The following ABHD6 variants were observed in gnomAD, a reference collection of about 807,000 sequenced individuals.
The protein encoded by ABHD6 is abhydrolase domain containing 6, acylglycerol lipase.
ABHD6 carries 33 observed loss-of-function variants against 38.8 expected under a neutral mutation model. The observed-to-expected ratio is 0.85, with a 90% CI of 0.64 to 1.14. The LOEUF (loss-of-function observed/expected upper bound fraction) is 1.14. Among genes scored for constraint, ABHD6 ranks in the 50% most tolerant of loss-of-function variants. ABHD6 has a pLI of 0.00. For synonymous variants in ABHD6, 147 were observed against 161.6 expected (o/e 0.91, Z 0.69); for missense variants, 380 against 422.6 (o/e 0.90, Z 0.88).
intron 7 of ABHD6, among the ~76,000 whole-genome samples, chr3:58,276,597 G>T (rs1348295042): frequency 6.6e-6 from 1 of 152,136 alleles, no homozygotes; most frequent in South Asian, 2.1e-4. Context: ...TTCTTTTGCT[G>T]TGCAGAAGCT....
Position 58,256,512 on chromosome 3 carries a change from T to C in ABHD6, c.-25-50T>C, listed in dbSNP as rs912457838. On this transcript the variant is annotated intron_variant, in intron 2 of 9. Coordinates refer to ENST00000478253, the MANE Select transcript of ABHD6 (RefSeq NM_001320126.2). The surrounding 1 kb of genome is among the most constrained non-coding windows in gnomAD (Gnocchi z 4.3). ...TTGTCCCCTTTACTTCTTCGCCTTTTTTCCTTTGATACAGAGTTTTAATAT... is the reference window on the plus strand; with the variant it reads ...TTGTCCCCTTTACTTCTTCGCCTTTCTTCCTTTGATACAGAGTTTTAATAT... 2.6e-6 allele frequency: 3 copies of C among 1,145,132 alleles called. No individual in the cohort carries two copies. The African/African-American group carries it at 4.7e-5, about 18-fold the overall frequency. The allele number at this position is 1,145,132 out of a possible 1,614,324, so 70.9% of individuals were successfully genotyped here. A position where few individuals can be genotyped will look rare whatever the true frequency, so the allele number is the denominator to read the frequency against.
intron 1 of ABHD6, among the ~76,000 whole-genome samples, chr3:58,247,187 G>A (rs1380255686): frequency 1.3e-5 from 2 of 151,912 alleles, no homozygotes; most frequent in Non-Finnish European, 2.9e-5. Context: ...ATTTTTAGTA[G>A]AGGTGGGGTC....
At chr3:58,279,460 C>T (rs2097451292) in intron 7 of ABHD6, among the ~76,000 whole-genome samples, 1 of 152,078 alleles carries the variant, frequency 6.6e-6, no homozygotes, top group African/African-American at 2.4e-5. Flanking sequence ...AGTAGATCTT[C>T]CCCCATCCCT....
At chr3:58,254,561 C>T (rs1450137385) in intron 2 of ABHD6, among the ~76,000 whole-genome samples, 1 of 151,962 alleles carries the variant, frequency 6.6e-6, no homozygotes, top group East Asian at 1.9e-4. Context: ...AAGTATCAGT[C>T]GATAGAGGCA....
rs776813547 is a variant in ABHD6, at chr3:58,293,576, T to C, written c.838-13T>C. The C allele has an allele frequency of 6.2e-7, 1 of 1,613,476 alleles. No homozygotes were observed. Among genetic ancestry groups the C allele is most frequent in the Non-Finnish European group, 8.5e-7 (1 of 1,179,590 alleles). On this transcript the variant is annotated splice_polypyrimidine_tract_variant and intron_variant, in intron 9 of 9. Coordinates refer to ENST00000478253, the MANE Select transcript of ABHD6 (RefSeq NM_001320126.2). This position sits in a 1 kb window ranked among gnomAD's most constrained non-coding sequence, Gnocchi z 4.4. ...TCTTTGTGTATCATCCAGCTCCCTT[T>C]CTTGCCCAGCAGGTGCTGGATGTGT...
At chr3:58,292,785 C>T (rs190897505) in intron 9 of ABHD6, among the ~76,000 whole-genome samples, 30 of 152,174 alleles carry the variant, frequency 2.0e-4, no homozygotes, top group Non-Finnish European at 3.8e-4. Context: ...GGCATGGTGG[C>T]GGGCACCTAT....
intron 9 of ABHD6, among the ~76,000 whole-genome samples, chr3:58,292,980 C>T (rs1363994843): frequency 1.3e-5 from 2 of 152,206 alleles, no homozygotes; most frequent in Non-Finnish European, 2.9e-5. Flanking sequence ...CTTCCTACAG[C>T]TTGGGCTGCC....
intron 2 of ABHD6, among the ~76,000 whole-genome samples, chr3:58,254,720 G>A (rs533657007): frequency 1.1e-4 from 16 of 152,140 alleles, no homozygotes; most frequent in Non-Finnish European, 2.1e-4. Context: ...AGAGGGCCAC[G>A]CCTGGCTTAC....
intron 1 of ABHD6, among the ~76,000 whole-genome samples, chr3:58,239,175 C>A (rs1351345452): frequency 6.7e-6 from 1 of 149,204 alleles, no homozygotes; most frequent in Non-Finnish European, 1.5e-5. Context: ...TCAACAAATT[C>A]TTATCAAGAA....
chr3:58,289,858 T>C lies in ABHD6; in HGVS notation c.838-3731T>C, dbSNP rs1430489487. On this transcript the variant is annotated intron_variant, in intron 9 of 9. Transcript: ENST00000478253. The stretch of plus-strand genomic sequence containing the variant: ...CACCCGGACAGGGCGGCTGGCCGGG[T>C]AGGGGGCTGACCCCCCCACCTCCCT... Among the ~76,000 whole-genome samples the C allele has an allele frequency of 9.5e-3, 876 of 92,274 alleles. 13 individuals carry two copies. The highest frequency in any genetic ancestry group is 0.045 in the African/African-American group (785 of 17,348). 60.5% of individuals were successfully genotyped at this position (92,274 alleles called of 152,430 possible).
chr3:58,240,835 A>G (rs1321470915), intron 1 of ABHD6, among the ~76,000 whole-genome samples: 2 of 151,460 alleles, frequency 1.3e-5, no homozygotes, highest in African/African-American at 4.9e-5. Context: ...GGTTCAAGCA[A>G]TTCTCCTGCC....
Position 58,266,192 on chromosome 3 carries a change from TAA to T in ABHD6, c.120-996_120-995del, listed in dbSNP as rs1284029840. ...TGCGGTTTAACCAGCTGGACGTCTGTAACCCAAGCACTTTGGGAGGCCAACGT... is the reference window on the plus strand; with the variant it reads ...TGCGGTTTAACCAGCTGGACGTCTGTCCCAAGCACTTTGGGAGGCCAACGT... On this transcript the variant is annotated intron_variant, in intron 3 of 9. Coordinates refer to ENST00000478253, the MANE Select transcript of ABHD6 (RefSeq NM_001320126.2). This position sits in a 1 kb window ranked among gnomAD's most constrained non-coding sequence, Gnocchi z 4.0. Among the ~76,000 whole-genome samples, 1 of 152,196 alleles carries T rather than the reference TAA, an allele frequency of 6.6e-6. No homozygotes were observed.
In ABHD6 at chr3:58,269,416, A is replaced by T; in HGVS notation, c.372A>T (p.Gln124His). 6.2e-7 allele frequency: 1 copy of T among 1,613,588 alleles called. No individual in the cohort carries two copies. The highest frequency in any genetic ancestry group is 8.5e-7 in the Non-Finnish European group (1 of 1,179,656). The change falls in exon 5 of 10, where the codon CAA becomes CAT. Residue 124 changes from glutamine (Q) to histidine (H), a missense_variant. Transcript: ENST00000478253. This position sits in a 1 kb window ranked among gnomAD's most constrained non-coding sequence, Gnocchi z 4.4. The stretch of plus-strand genomic sequence containing the variant: ...TGGATGACCTGTCCATAGATGGGCA[A>T]GTTAAGAGGATACACCAGGTAAGCA... Reference protein sequence around the residue: ...SSLDDLSIDGQVKRIHQFVEC... With the variant: ...SSLDDLSIDGHVKRIHQFVEC...
At chr3:58,289,959 C>T (rs1575533978) in intron 9 of ABHD6, among the ~76,000 whole-genome samples, 1 of 143,912 alleles carries the variant, frequency 6.9e-6, no homozygotes, top group Non-Finnish European at 1.5e-5. Context: ...GCGCCCCTCA[C>T]CTCCCGGACG....
intron 1 of ABHD6, among the ~76,000 whole-genome samples, chr3:58,239,266 G>A (rs1367590441): frequency 1.3e-5 from 2 of 152,156 alleles, no homozygotes; most frequent in African/African-American, 4.8e-5. Context: ...TCTCAGACCA[G>A]CAAGGGCCTC....
At chr3:58,274,254 T>C (rs1349123650) in intron 6 of ABHD6, among the ~76,000 whole-genome samples, 1 of 152,208 alleles carries the variant, frequency 6.6e-6, no homozygotes, top group Non-Finnish European at 1.5e-5. Context: ...TCCTCACATT[T>C]CCTGTCAACA....
intron 1 of ABHD6, among the ~76,000 whole-genome samples, chr3:58,242,068 G>C (rs1440361333): frequency 2.0e-5 from 3 of 152,154 alleles, no homozygotes; most frequent in Non-Finnish European, 4.4e-5. Context: ...TTTTAGGATG[G>C]GCTGGAGCTC....
intron 1 of ABHD6, among the ~76,000 whole-genome samples, chr3:58,249,290 T>C (rs1258957202): frequency 6.6e-6 from 1 of 152,210 alleles, no homozygotes; most frequent in Non-Finnish European, 1.5e-5. Flanking sequence ...AGAACTTAGA[T>C]GGTTTTATTT....
intron 7 of ABHD6, among the ~76,000 whole-genome samples, chr3:58,280,596 C>T (rs536653498): frequency 1.3e-5 from 2 of 152,322 alleles, no homozygotes; most frequent in Admixed American, 6.5e-5. Context: ...CTTCTGTCAG[C>T]TCAGCAAAGT....
Sources: allele counts gnomAD v4.1 joint callset (sites outside exome capture counted in the v4.1 genomes callset), GRCh38; gene constraint gnomAD v4.1.1; non-coding constraint Gnocchi (gnomAD v3.1); transcripts MANE v1.5; gene names NCBI Gene and HGNC (gene_info 2026-07-23, HGNC 2026-07-21).